The following PDIA5 variants were observed in gnomAD, a reference collection of about 807,000 sequenced individuals.
PDIA5 encodes protein disulfide isomerase family A member 5.
In PDIA5, 58 loss-of-function variants were observed where a neutral mutation model predicts 77.6. The ratio of observed to expected loss-of-function variants is 0.75; its 90% CI spans 0.61 to 0.93. The LOEUF (loss-of-function observed/expected upper bound fraction) is 0.93, where lower values mean the gene tolerates loss of function less well. PDIA5 is among the 40% of genes least tolerant of loss of function. The probability of loss-of-function intolerance (pLI) is 0.00; values close to 1 mark genes in which losing one functional copy is unlikely to be tolerated. For synonymous variants in PDIA5, 250 were observed against 252.1 expected (o/e 0.99, Z 0.08); for missense variants, 630 against 647.7 (o/e 0.97, Z 0.30).
chr3:123,081,855 C>T (rs1934018667), intron 1 of PDIA5, among the ~76,000 whole-genome samples: 1 of 152,224 alleles, frequency 6.6e-6, no homozygotes, highest in Non-Finnish European at 1.5e-5. Flanking sequence ...GTGGCAAGGA[C>T]TGTTCTCCCT....
chr3:123,124,196 C>T (rs940909638), intron 9 of PDIA5, 39 bp downstream of exon 9: 2 of 1,582,912 alleles, frequency 1.3e-6, no homozygotes, highest in African/African-American at 1.3e-5. Flanking sequence ...CACCTCCCTC[C>T]CTGGTGATTG....
At chr3:123,115,396 A>G (rs1264632145) in intron 7 of PDIA5, among the ~76,000 whole-genome samples, 1 of 152,110 alleles carries the variant, frequency 6.6e-6, no homozygotes, top group Non-Finnish European at 1.5e-5. Flanking sequence ...CCAGGAGTTC[A>G]AGGCCCCCTA....
rs541360479 is a variant in PDIA5, at chr3:123,120,660, C to T, written c.610-3406C>T. ...TCCCCTAAGTGCCAGTGCCACGTGT[C>T]AGATGGCTTGCTTCACAGCTCCATC... On this transcript the variant is annotated intron_variant, in intron 8 of 16. Coordinates refer to ENST00000316218, the MANE Select transcript of PDIA5 (RefSeq NM_006810.4). 6.6e-5 allele frequency among the ~76,000 whole-genome samples: 10 copies of T among 152,388 alleles called. No homozygotes were observed. The East Asian group carries it at 1.7e-3, about 26-fold the overall frequency.
At chr3:123,103,523 C>T (rs1468298388) in intron 5 of PDIA5, among the ~76,000 whole-genome samples, 2 of 152,164 alleles carry the variant, frequency 1.3e-5, no homozygotes, top group Non-Finnish European at 2.9e-5. Context: ...ACCCTGTGCT[C>T]CTGTCTCTTC....
chr3:123,130,396 G>C, intron 10 of PDIA5, 84 bp from the exon 11 acceptor site: 1 of 1,450,446 alleles, frequency 6.9e-7, no homozygotes, highest in Non-Finnish European at 9.3e-7. Context: ...CCCATGGGGA[G>C]CTTTGGGTCC....
intron 11 of PDIA5, among the ~76,000 whole-genome samples, chr3:123,136,766 G>GT (rs1935515196): frequency 7.2e-6 from 1 of 139,756 alleles, no homozygotes; most frequent in East Asian, 2.1e-4. Flanking sequence ...TGGGTTTTTT[G>GT]TTTTTGTTTT....
At chr3:123,078,301 G>A (rs775476334) in intron 1 of PDIA5, among the ~76,000 whole-genome samples, 14 of 152,200 alleles carry the variant, frequency 9.2e-5, no homozygotes, top group East Asian at 1.9e-4. Context: ...CTGCACGTAC[G>A]TGGGAAAGGG....
At chr3:123,133,844 T>C (rs1935427477) in intron 11 of PDIA5, among the ~76,000 whole-genome samples, 1 of 152,232 alleles carries the variant, frequency 6.6e-6, no homozygotes, top group African/African-American at 2.4e-5. Flanking sequence ...TCTATGCTAA[T>C]TATAAAAGTA....
intron 14 of PDIA5, among the ~76,000 whole-genome samples, chr3:123,152,192 C>A (rs1194971480): frequency 6.6e-6 from 1 of 152,164 alleles, no homozygotes; most frequent in African/African-American, 2.4e-5. Flanking sequence ...TGCCTTCCCA[C>A]CTGTCTTCCA....
At chr3:123,097,937 C>G (rs1934482150) in intron 3 of PDIA5, among the ~76,000 whole-genome samples, 1 of 152,168 alleles carries the variant, frequency 6.6e-6, no homozygotes, top group East Asian at 1.9e-4. Context: ...TCAGTGTAGT[C>G]TTCTTTCTAC....
At position 123,162,057 on chromosome 3, in the gene PDIA5, C is replaced by A. The variant is rs1936173212; in HGVS notation, c.*97C>A. 3 of 735,804 alleles carry A rather than the reference C, an allele frequency of 4.1e-6. No individual in the cohort carries two copies. The highest frequency in any genetic ancestry group is 2.3e-5 in the Admixed American group (1 of 43,662). The allele number at this position is 735,804 out of a possible 1,614,324, so 45.6% of individuals were successfully genotyped here. On this transcript the variant is annotated 3_prime_UTR_variant, in exon 17 of 17. Coordinates refer to ENST00000316218, the MANE Select transcript of PDIA5 (RefSeq NM_006810.4). ...TGTTCTGAAGACAAATTTTTTATAGCCGCTTATGGCCATTTTGTACAATTT... is the reference window on the plus strand; with the variant it reads ...TGTTCTGAAGACAAATTTTTTATAGACGCTTATGGCCATTTTGTACAATTT...
chr3:123,106,875 G>T, intron 6 of PDIA5, 34 bp downstream of exon 6: 18 of 1,427,704 alleles, frequency 1.3e-5, no homozygotes, highest in Non-Finnish European at 1.6e-5. Flanking sequence ...GATGGATGCT[G>T]GAAGCTTCCC....
chr3:123,071,980 A>C (rs1933736462), intron 1 of PDIA5, among the ~76,000 whole-genome samples: 1 of 152,110 alleles, frequency 6.6e-6, no homozygotes, highest in Non-Finnish European at 1.5e-5. Flanking sequence ...GGATGAGGGG[A>C]GTAAGACTGA....
intron 16 of PDIA5, 41 bp from the exon 17 acceptor site, chr3:123,161,839 T>C (rs1388604477): frequency 1.5e-6 from 2 of 1,300,008 alleles, no homozygotes; most frequent in Non-Finnish European, 2.2e-6. Context: ...AGCTCAGGGA[T>C]TAAAGCTCTT....
At chr3:123,090,894 C>T (rs1036879808) in intron 2 of PDIA5, among the ~76,000 whole-genome samples, 1 of 152,184 alleles carries the variant, frequency 6.6e-6, no homozygotes, top group African/African-American at 2.4e-5. Context: ...ATTTTAACTT[C>T]CTGCCTCCTT....
At chr3:123,124,395 C>A in intron 10 of PDIA5, 52 bp downstream of exon 10, 1 of 1,339,518 alleles carries the variant, frequency 7.5e-7, no homozygotes, top group Non-Finnish European at 1.1e-6. Context: ...GGCGGGGCAT[C>A]TGCCGGGCCT....
chr3:123,150,705 C>A (rs1046366465), intron 14 of PDIA5, among the ~76,000 whole-genome samples: 1 of 152,002 alleles, frequency 6.6e-6, no homozygotes, highest in Admixed American at 6.6e-5. Context: ...CTGTCCCCGC[C>A]CCCTCTTCCT....
intron 10 of PDIA5, among the ~76,000 whole-genome samples, chr3:123,128,810 C>A (rs1462112292): frequency 6.6e-6 from 1 of 152,166 alleles, no homozygotes; most frequent in East Asian, 1.9e-4. Flanking sequence ...CCTCCTATAC[C>A]CTAGAATTTA....
At chr3:123,129,288 T>C (rs370911753) in intron 10 of PDIA5, among the ~76,000 whole-genome samples, 2 of 152,382 alleles carry the variant, frequency 1.3e-5, no homozygotes, top group East Asian at 1.9e-4. Context: ...ACATTGGATA[T>C]GCATGGACTG....
Sources: gnomAD v4.1 joint callset for allele counts (sites outside exome capture counted in the v4.1 genomes callset) on GRCh38, gnomAD v4.1.1 for gene constraint, MANE v1.5 for transcripts, NCBI Gene and HGNC (gene_info 2026-07-23, HGNC 2026-07-21) for gene names.